FAM120A: variants seen among roughly 807,000 people sequenced by gnomAD.
FAM120A encodes constitutive coactivator of PPAR-gamma-like protein 1.
Under a neutral mutation model 109.7 loss-of-function variants are expected in FAM120A, and 15 were observed. The ratio of observed to expected loss-of-function variants is 0.14; its 90% CI spans 0.09 to 0.21. The LOEUF is 0.21. FAM120A is among the 10% of genes least tolerant of loss of function. FAM120A has a pLI of 1.00. For synonymous variants in FAM120A, 493 were observed against 572.8 expected (o/e 0.86, Z 1.99); for missense variants, 899 against 1,439.3 (o/e 0.62, Z 6.07).
At chr9:93,504,886 C>T (rs1265875042) in intron 5 of FAM120A, among the ~76,000 whole-genome samples, 2 of 152,066 alleles carry the variant, frequency 1.3e-5, no homozygotes, top group Non-Finnish European at 2.9e-5. Flanking sequence ...AGAACCCTCT[C>T]ATTGCTCCAC....
intron 7 of FAM120A, among the ~76,000 whole-genome samples, chr9:93,518,475 C>G (rs1564340606): frequency 6.6e-6 from 1 of 152,154 alleles, no homozygotes; most frequent in Non-Finnish European, 1.5e-5. Context: ...ACCCCGGGAC[C>G]TACGTTGCCT....
chr9:93,496,121 T>C (rs1319005829), intron 3 of FAM120A, among the ~76,000 whole-genome samples: 1 of 152,220 alleles, frequency 6.6e-6, no homozygotes, highest in Non-Finnish European at 1.5e-5. Flanking sequence ...TAATTCTGAT[T>C]CTCTTGCTAT....
At chr9:93,557,271 A>G (rs936895843) in intron 13 of FAM120A, among the ~76,000 whole-genome samples, 3 of 151,964 alleles carry the variant, frequency 2.0e-5, no homozygotes, top group Non-Finnish European at 2.9e-5. Flanking sequence ...CTGGAATTAC[A>G]GGTGCCTGCC....
intron 2 of FAM120A, among the ~76,000 whole-genome samples, chr9:93,472,380 T>G (rs1588798241): frequency 6.6e-6 from 1 of 152,358 alleles, no homozygotes; most frequent in East Asian, 1.9e-4. Flanking sequence ...TGTGCTTGTC[T>G]CACCCTACTT....
chr9:93,540,799 T>G (rs939187300), intron 10 of FAM120A, among the ~76,000 whole-genome samples: 7 of 152,158 alleles, frequency 4.6e-5, no homozygotes, highest in African/African-American at 1.7e-4. Flanking sequence ...CAGGACGAAC[T>G]CTGCAGAGGC....
intron 7 of FAM120A, among the ~76,000 whole-genome samples, chr9:93,526,598 G>T: frequency 6.6e-6 from 1 of 151,644 alleles, no homozygotes; most frequent in Non-Finnish European, 1.5e-5. Context: ...CCAAGTTTGT[G>T]CCATCTCGCT....
intron 5 of FAM120A, among the ~76,000 whole-genome samples, chr9:93,509,017 A>G (rs1475141189): frequency 3.3e-5 from 5 of 152,348 alleles, no homozygotes; most frequent in South Asian, 2.1e-4. Flanking sequence ...AGGGAACTCA[A>G]TGGCATGCCA....
At chr9:93,552,228 C>G (rs568595815) in intron 12 of FAM120A, among the ~76,000 whole-genome samples, 1 of 152,292 alleles carries the variant, frequency 6.6e-6, no homozygotes, top group East Asian at 1.9e-4. Context: ...TATCCCATAT[C>G]CTTTTCATTT....
rs1470616445 is a variant in FAM120A, at chr9:93,497,475, G to A, written c.809G>A (p.Arg270Gln). 1.2e-6 allele frequency: 2 copies of A among 1,612,074 alleles called. No individual in the cohort carries two copies. The highest frequency in any genetic ancestry group is 1.7e-6 in the Non-Finnish European group (2 of 1,179,284). The change falls in exon 4 of 18, where the codon CGG (arginine) becomes CAG (glutamine). Residue 270 changes from arginine to glutamine, a missense_variant. By Grantham distance (43) the Arg-to-Gln change is conservative. Coordinates refer to ENST00000277165, the MANE Select transcript of FAM120A (RefSeq NM_014612.5). Reference sequence around the variant, plus strand: ...CACTTACGTTTGTTTTCTCAGGTCCGGGCCCACCAGCTGGTCTTGCCACCT... The same window carrying A: ...CACTTACGTTTGTTTTCTCAGGTCCAGGCCCACCAGCTGGTCTTGCCACCT... ...PEHPLASLKV[R>Q]AHQLVLPPCD...
At chr9:93,552,606 T>C (rs1469224502) in intron 12 of FAM120A, among the ~76,000 whole-genome samples, 1 of 152,232 alleles carries the variant, frequency 6.6e-6, no homozygotes, top group African/African-American at 2.4e-5. Context: ...TCCTCTCAGC[T>C]ATCATCAGAT....
chr9:93,470,073 A>G (rs1858240901), intron 1 of FAM120A, among the ~76,000 whole-genome samples: 1 of 152,214 alleles, frequency 6.6e-6, no homozygotes, highest in Admixed American at 6.5e-5. Flanking sequence ...CAATGTAGCC[A>G]CACATTGGAC....
chr9:93,482,224 C>G (rs1032416015), intron 3 of FAM120A, among the ~76,000 whole-genome samples: 2 of 140,112 alleles, frequency 1.4e-5, no homozygotes, highest in African/African-American at 5.0e-5. Context: ...GTTTTGCTCC[C>G]TTGCCCAGGT....
intron 11 of FAM120A, among the ~76,000 whole-genome samples, chr9:93,550,150 C>T (rs1017499896): frequency 3.3e-5 from 5 of 152,156 alleles, no homozygotes; most frequent in African/African-American, 1.2e-4. Flanking sequence ...AGTGGCCAGG[C>T]AATGGTCTTT....
intron 5 of FAM120A, among the ~76,000 whole-genome samples, chr9:93,502,113 T>TAA (rs1306920579): frequency 6.6e-6 from 1 of 152,252 alleles, no homozygotes; most frequent in Non-Finnish European, 1.5e-5. Context: ...TCCATTATAT[T>TAA]ATTCTACAGG....
chr9:93,504,446 C>T (rs553759780), intron 5 of FAM120A, among the ~76,000 whole-genome samples: 4 of 152,232 alleles, frequency 2.6e-5, no homozygotes, highest in South Asian at 2.1e-4. Flanking sequence ...TTGCATTCCT[C>T]GACTCTCTAC....
chr9:93,514,848 G>A lies in FAM120A; in HGVS notation c.1031-819G>A, dbSNP rs1018350947. 8.5e-5 allele frequency among the ~76,000 whole-genome samples: 13 copies of A among 152,228 alleles called. No individual in the cohort carries two copies. The East Asian group carries it at 9.6e-4, about 11-fold the overall frequency. The stretch of plus-strand genomic sequence containing the variant: ...CTCTTCCTGTGCTTAGTTAGGCCGC[G>A]CGAGGCCAGAGGTTGAGTGGGGAGG... On this transcript the variant is annotated intron_variant, in intron 5 of 17. Coordinates refer to ENST00000277165, the MANE Select transcript of FAM120A (RefSeq NM_014612.5).
chr9:93,468,495 A>G (rs796248337), intron 1 of FAM120A, among the ~76,000 whole-genome samples: 42 of 152,334 alleles, frequency 2.8e-4, no homozygotes, highest in African/African-American at 9.6e-4. Context: ...GTACTTCTTC[A>G]GCTTTTCATT....
At position 93,507,154 on chromosome 9, in the gene FAM120A, A is replaced by G. The variant is rs190332626; in HGVS notation, c.1030+8268A>G. 6.0e-4 allele frequency among the ~76,000 whole-genome samples: 91 copies of G among 152,240 alleles called. 1 individual carries two copies. In the East Asian group the frequency reaches 0.017, roughly 28 times the overall value. On this transcript the variant is annotated intron_variant, in intron 5 of 17. Transcript: ENST00000277165. ...GGCAGGTATAGGGAAAGGAGTGGGAAACTCTTTCAGTATTGAGGCAAGGCA... is the reference window on the plus strand; with the variant it reads ...GGCAGGTATAGGGAAAGGAGTGGGAGACTCTTTCAGTATTGAGGCAAGGCA...
intron 10 of FAM120A, among the ~76,000 whole-genome samples, chr9:93,540,049 T>G (rs1861641755): frequency 6.6e-6 from 1 of 152,220 alleles, no homozygotes; most frequent in South Asian, 2.1e-4. Context: ...CTAGGTGCTT[T>G]TCATGTTTAA....
Sources: allele counts gnomAD v4.1 joint callset (sites outside exome capture counted in the v4.1 genomes callset), GRCh38; gene constraint gnomAD v4.1.1; transcripts MANE v1.5; gene names NCBI Gene and HGNC (gene_info 2026-07-23, HGNC 2026-07-21).